Variants in FBXL7 observed in about 807,000 individuals in gnomAD.
FBXL7 encodes F-box/LRR-repeat protein 7.
A neutral mutation model predicts 38.3 loss-of-function variants in FBXL7; 12 were observed. The observed-to-expected ratio is 0.31, with a 90% CI of 0.20 to 0.51. The LOEUF (loss-of-function observed/expected upper bound fraction) is 0.51. Among genes scored for constraint, FBXL7 ranks in the 20% least tolerant of loss-of-function variants. The pLI is 0.98. For synonymous variants in FBXL7, 297 were observed against 300.9 expected (o/e 0.99, Z 0.13); for missense variants, 567 against 676.4 (o/e 0.84, Z 1.79).
intron 2 of FBXL7, among the ~76,000 whole-genome samples, chr5:15,778,120 A>C (rs73072061): frequency 8.4e-4 from 128 of 152,242 alleles, no homozygotes; most frequent in African/African-American, 2.9e-3. Context: ...GGAAGACATC[A>C]TGGTATAAAG....
chr5:15,663,927 T>C (rs1167485698), intron 2 of FBXL7, among the ~76,000 whole-genome samples: 1 of 152,156 alleles, frequency 6.6e-6, no homozygotes, highest in African/African-American at 2.4e-5. Flanking sequence ...TTTTTCTAAT[T>C]GGGGTGTTTG....
chr5:15,516,907 G>A (rs1045956563), intron 1 of FBXL7, among the ~76,000 whole-genome samples: 1 of 152,170 alleles, frequency 6.6e-6, no homozygotes, highest in African/African-American at 2.4e-5. Flanking sequence ...GCTGAACTGT[G>A]AGTCAGTTAA....
At chr5:15,867,506 T>C (rs923559007) in intron 2 of FBXL7, among the ~76,000 whole-genome samples, 1 of 152,342 alleles carries the variant, frequency 6.6e-6, no homozygotes, top group South Asian at 2.1e-4. Flanking sequence ...GTATCTTCAG[T>C]AATTCTGATA....
chr5:15,534,121 AC>A (rs556256145), intron 1 of FBXL7, among the ~76,000 whole-genome samples: 6 of 151,952 alleles, frequency 3.9e-5, no homozygotes, highest in Admixed American at 2.6e-4. Context: ...CACTGTTGAC[AC>A]CCCCCCACCA....
intron 1 of FBXL7, among the ~76,000 whole-genome samples, chr5:15,530,448 G>T (rs566534796): frequency 6.6e-6 from 1 of 152,192 alleles, no homozygotes; most frequent in South Asian, 2.1e-4. Context: ...TTCATTAAGG[G>T]ATCCTAGATC....
At chr5:15,517,106 A>G (rs950853519) in intron 1 of FBXL7, among the ~76,000 whole-genome samples, 1 of 151,402 alleles carries the variant, frequency 6.6e-6, no homozygotes, top group Non-Finnish European at 1.5e-5. Flanking sequence ...GGCTCACTGC[A>G]AGCTCCGCCT....
intron 2 of FBXL7, among the ~76,000 whole-genome samples, chr5:15,631,763 G>C (rs946558669): frequency 2.0e-5 from 3 of 150,992 alleles, no homozygotes; most frequent in Non-Finnish European, 2.9e-5. Flanking sequence ...AATTGTGTGT[G>C]GTAATTTAGG....
intron 3 of FBXL7, among the ~76,000 whole-genome samples, chr5:15,933,536 CAA>C (rs928176224): frequency 6.6e-6 from 1 of 152,148 alleles, no homozygotes; most frequent in African/African-American, 2.4e-5. Context: ...AAACTCAAAA[CAA>C]AGGGAAATTT....
At chr5:15,699,705 A>G (rs970838564) in intron 2 of FBXL7, among the ~76,000 whole-genome samples, 1 of 152,140 alleles carries the variant, frequency 6.6e-6, no homozygotes, top group East Asian at 1.9e-4. Flanking sequence ...TCTCTTAGGA[A>G]ACACACTACA....
At chr5:15,780,688 A>G (rs746557765) in intron 2 of FBXL7, among the ~76,000 whole-genome samples, 4 of 152,174 alleles carry the variant, frequency 2.6e-5, no homozygotes, top group Admixed American at 6.6e-5. Flanking sequence ...GAAAATTAAG[A>G]TGATGTTTAA....
chr5:15,881,674 C>G (rs1484847583), intron 2 of FBXL7, among the ~76,000 whole-genome samples: 1 of 152,084 alleles, frequency 6.6e-6, no homozygotes, highest in African/African-American at 2.4e-5. Flanking sequence ...TTTCTCTTAC[C>G]CACCAAAACA....
chr5:15,553,044 T>G (rs549885321), intron 1 of FBXL7, among the ~76,000 whole-genome samples: 1 of 150,444 alleles, frequency 6.6e-6, no homozygotes, highest in South Asian at 2.1e-4. Flanking sequence ...ATCGTGCCAC[T>G]GCACTCCAGC....
intron 2 of FBXL7, among the ~76,000 whole-genome samples, chr5:15,795,023 A>G (rs906405337): frequency 6.6e-6 from 1 of 152,228 alleles, no homozygotes; most frequent in Non-Finnish European, 1.5e-5. Context: ...TTTTAAAGAT[A>G]TGTTAAGATT....
At chr5:15,550,533 A>T (rs1227966969) in intron 1 of FBXL7, among the ~76,000 whole-genome samples, 2 of 151,808 alleles carry the variant, frequency 1.3e-5, no homozygotes, top group East Asian at 3.9e-4. Context: ...AGGCTGTGTC[A>T]TCTTCTTTTC....
At chr5:15,865,159 GC>G (rs1283983996) in intron 2 of FBXL7, among the ~76,000 whole-genome samples, 2 of 152,130 alleles carry the variant, frequency 1.3e-5, no homozygotes, top group African/African-American at 4.8e-5. Context: ...ATCCATTCCA[GC>G]CCCCAAAAGG....
chr5:15,923,254 GA>G (rs1455290271), intron 2 of FBXL7, among the ~76,000 whole-genome samples: 2 of 152,248 alleles, frequency 1.3e-5, no homozygotes, highest in African/African-American at 4.8e-5. Flanking sequence ...AAACGTAGGA[GA>G]AAAAAACTGT....
At chr5:15,515,436 C>CA (rs1284041912) in intron 1 of FBXL7, among the ~76,000 whole-genome samples, 1 of 152,166 alleles carries the variant, frequency 6.6e-6, no homozygotes, top group Non-Finnish European at 1.5e-5. Flanking sequence ...TGCTATAACT[C>CA]AGAATTGACT....
At chr5:15,820,813 C>T (rs1738149227) in intron 2 of FBXL7, among the ~76,000 whole-genome samples, 1 of 152,264 alleles carries the variant, frequency 6.6e-6, no homozygotes, top group Non-Finnish European at 1.5e-5. Context: ...CCTCCCTGTG[C>T]AATGTGTTCT....
chr5:15,757,836 C>T (rs1246076512), intron 2 of FBXL7, among the ~76,000 whole-genome samples: 1 of 152,108 alleles, frequency 6.6e-6, no homozygotes, highest in African/African-American at 2.4e-5. Flanking sequence ...GGGAAGGAGG[C>T]ATAATTCATG....
Sources: gnomAD v4.1 joint callset for allele counts (sites outside exome capture counted in the v4.1 genomes callset) on GRCh38, gnomAD v4.1.1 for gene constraint, MANE v1.5 for transcripts, NCBI Gene and HGNC (gene_info 2026-07-23, HGNC 2026-07-21) for gene names.